The following MAPK10 variants were observed in gnomAD, a reference collection of about 807,000 sequenced individuals.
MAPK10 encodes the protein mitogen-activated protein kinase 10.
In MAPK10, 25 loss-of-function variants were observed where a neutral mutation model predicts 59.3. The observed-to-expected ratio is 0.42, with a 90% CI of 0.31 to 0.59. MAPK10 has a LOEUF of 0.59. Among genes scored for constraint, MAPK10 ranks in the 20% least tolerant of loss-of-function variants. MAPK10 has a pLI of 0.15. For synonymous variants in MAPK10, 190 were observed against 200.5 expected, an observed-to-expected ratio of 0.95 and a Z score of 0.44; for missense variants, 351 against 568.9, an observed-to-expected ratio of 0.62 and a Z score of 3.90.
intron 1 of MAPK10, among the ~76,000 whole-genome samples, chr4:86,591,117 T>C (rs1763013103): frequency 2.0e-5 from 3 of 152,202 alleles, no homozygotes; most frequent in African/African-American, 7.2e-5. Context: ...AAAGATGGGG[T>C]CTTGCTATGT....
chr4:86,201,634 C>G (rs560048606), intron 2 of MAPK10, among the ~76,000 whole-genome samples: 7 of 151,776 alleles, frequency 4.6e-5, no homozygotes, highest in South Asian at 4.2e-4. Context: ...TTTCTCTCAG[C>G]CTTCAGCTCG....
intron 1 of MAPK10, among the ~76,000 whole-genome samples, chr4:86,465,264 G>A (rs553232174): frequency 6.6e-6 from 1 of 152,316 alleles, no homozygotes; most frequent in South Asian, 2.1e-4. Context: ...GCAGTGTTTG[G>A]TGGTGATGGG....
At chr4:86,068,428 A>C (rs894879300) in intron 9 of MAPK10, among the ~76,000 whole-genome samples, 1 of 152,112 alleles carries the variant, frequency 6.6e-6, no homozygotes, top group Admixed American at 6.5e-5. Flanking sequence ...AACTATCTTT[A>C]AGATATTTTT....
chr4:86,076,820 A>C (rs557206517), intron 9 of MAPK10, among the ~76,000 whole-genome samples: 51 of 152,312 alleles, frequency 3.3e-4, no homozygotes, highest in African/African-American at 1.2e-3. Flanking sequence ...GTTTTTAAAG[A>C]ATGACCAAAA....
At chr4:86,167,553 G>C (rs184134694) in intron 3 of MAPK10, among the ~76,000 whole-genome samples, 21 of 152,192 alleles carry the variant, frequency 1.4e-4, no homozygotes, top group African/African-American at 4.8e-4. Flanking sequence ...GGGATGCAAG[G>C]GTGGTTCAAC....
At chr4:86,295,801 C>G (rs1306984012) in intron 2 of MAPK10, among the ~76,000 whole-genome samples, 1 of 144,618 alleles carries the variant, frequency 6.9e-6, no homozygotes, top group Non-Finnish European at 1.5e-5. Context: ...ATTTCCCATC[C>G]TCTTTTCTCT....
intron 1 of MAPK10, among the ~76,000 whole-genome samples, chr4:86,458,911 T>C (rs1234353226): frequency 1.3e-5 from 2 of 151,952 alleles, no homozygotes; most frequent in African/African-American, 4.8e-5. Flanking sequence ...CAAAGATAAA[T>C]AGCTGGGACT....
chr4:86,461,859 T>C (rs1233137861), intron 1 of MAPK10, among the ~76,000 whole-genome samples: 1 of 152,182 alleles, frequency 6.6e-6, no homozygotes, highest in African/African-American at 2.4e-5. Context: ...CACTCTCAGT[T>C]CTATTCAGGC....
chr4:86,142,488 T>C (rs778605309), intron 4 of MAPK10, among the ~76,000 whole-genome samples: 29 of 152,146 alleles, frequency 1.9e-4, no homozygotes, highest in Non-Finnish European at 3.4e-4. Flanking sequence ...TTCAAGACAC[T>C]GTGATAGGTC....
chr4:86,284,548 C>A (rs192807836), intron 2 of MAPK10, among the ~76,000 whole-genome samples: 1 of 152,154 alleles, frequency 6.6e-6, no homozygotes, highest in African/African-American at 2.4e-5. Context: ...GAGCTCTGTG[C>A]CTCAGTTTCC....
chr4:86,105,509 C>A (rs1442447927), intron 5 of MAPK10, among the ~76,000 whole-genome samples: 6 of 152,088 alleles, frequency 3.9e-5, no homozygotes, highest in African/African-American at 1.4e-4. Flanking sequence ...TCTCCACATT[C>A]TATTGCATTA....
chr4:86,094,281 A>G (rs1479164649), intron 9 of MAPK10, among the ~76,000 whole-genome samples: 1 of 151,958 alleles, frequency 6.6e-6, no homozygotes, highest in Non-Finnish European at 1.5e-5. Context: ...CCATTTACCT[A>G]TTCCTTAATA....
chr4:86,250,153 T>C (rs546207548), intron 2 of MAPK10, among the ~76,000 whole-genome samples: 4 of 152,324 alleles, frequency 2.6e-5, no homozygotes, highest in East Asian at 1.9e-4. Flanking sequence ...GCTAGACTCA[T>C]AGGAATGCCG....
intron 1 of MAPK10, among the ~76,000 whole-genome samples, chr4:86,578,639 A>G (rs777550466): frequency 1.3e-5 from 2 of 151,730 alleles, no homozygotes; most frequent in Non-Finnish European, 2.9e-5. Flanking sequence ...TGAACATTCA[A>G]ATCATAGATA....
intron 3 of MAPK10, among the ~76,000 whole-genome samples, chr4:86,175,095 C>G (rs927953235): frequency 1.3e-5 from 2 of 151,900 alleles, no homozygotes; most frequent in African/African-American, 4.8e-5. Flanking sequence ...TAATCAAAGA[C>G]AGGACAAATT....
intron 2 of MAPK10, among the ~76,000 whole-genome samples, chr4:86,232,919 T>TG (rs760495002): frequency 0.13 from 12,749 of 97,870 alleles, 1,167 homozygotes; most frequent in African/African-American, 0.42. Context: ...TATGGAGGTA[T>TG]GTCATGGTCT....
rs10028202 is a variant in MAPK10, at chr4:86,317,557, C to A, written c.-7+36973G>T. ...ATATACCCAAATCTACTATAAATTC[C>A]TTTAGAGTTCAAACTCTGTCTTTTC... On this transcript the variant is annotated intron_variant, in intron 2 of 13. Transcript: ENST00000641462. Among the ~76,000 whole-genome samples the A allele has an allele frequency of 4.3e-3, 661 of 152,202 alleles. 6 individuals carry two copies. Among genetic ancestry groups the A allele is most frequent in the African/African-American group, 0.015 (641 of 41,528 alleles).
intron 1 of MAPK10, among the ~76,000 whole-genome samples, chr4:86,548,942 A>G (rs1759530802): frequency 6.6e-6 from 1 of 152,136 alleles, no homozygotes; most frequent in Admixed American, 6.5e-5. Context: ...CCGACTAAAT[A>G]TACGTTTTCA....
rs150947333 is a variant in MAPK10 at position 86,524,580 on chromosome 4, C to T, written c.-263+69330G>A. ...CTAAAGAGTCTACATTAACACCATACTAGGGTTGCCAGGTAAGATACAGGG... is the reference window on the plus strand; with the variant it reads ...CTAAAGAGTCTACATTAACACCATATTAGGGTTGCCAGGTAAGATACAGGG... On this transcript the variant is annotated intron_variant, in intron 1 of 4. Transcript: ENST00000502302. Among the ~76,000 whole-genome samples, 196 of 152,246 alleles carry T rather than the reference C, an allele frequency of 1.3e-3. 1 individual carries two copies. The highest frequency in any genetic ancestry group is 2.2e-3 in the Non-Finnish European group (150 of 68,014).
Sources: allele counts gnomAD v4.1 joint callset (sites outside exome capture counted in the v4.1 genomes callset), GRCh38; gene constraint gnomAD v4.1.1; transcripts MANE v1.5; gene names NCBI Gene and HGNC (gene_info 2026-07-23, HGNC 2026-07-21).